Variants in NFATC3 observed in about 807,000 individuals in gnomAD.
NFATC3 encodes the protein nuclear factor of activated T cells 3, also known as nuclear factor of activated T-cells, cytoplasmic 3.
Under a neutral mutation model 98.6 loss-of-function variants are expected in NFATC3, and 46 were observed. That is an observed-to-expected ratio of 0.47 (90% CI 0.37 to 0.60). The LOEUF (loss-of-function observed/expected upper bound fraction) is 0.60, where lower values mean the gene tolerates loss of function less well. Among genes scored for constraint, NFATC3 ranks in the 20% least tolerant of loss-of-function variants. The pLI, the probability that NFATC3 is intolerant of heterozygous loss-of-function variation, is 0.00. For synonymous variants in NFATC3, 512 were observed against 472.2 expected (o/e 1.08, Z -1.09); for missense variants, 1,256 against 1,295.5 (o/e 0.97, Z 0.47).
intron 6 of NFATC3, among the ~76,000 whole-genome samples, chr16:68,177,061 G>A (rs1363110100): frequency 2.2e-4 from 19 of 86,130 alleles, no homozygotes; most frequent in Non-Finnish European, 4.1e-4. Flanking sequence ...TTTTAATTTT[G>A]GGATGGAGTT....
At chr16:68,205,250 C>T (rs774127378) in intron 9 of NFATC3, among the ~76,000 whole-genome samples, 37 of 152,022 alleles carry the variant, frequency 2.4e-4, no homozygotes, top group Non-Finnish European at 4.4e-4. Flanking sequence ...GTGTTTATTT[C>T]TTTGGTGGGG....
intron 9 of NFATC3, among the ~76,000 whole-genome samples, chr16:68,196,836 G>A (rs548273851): frequency 1.3e-5 from 2 of 152,234 alleles, no homozygotes; most frequent in South Asian, 4.1e-4. Flanking sequence ...TTCTCCACCA[G>A]CCTGACCAAC....
intron 3 of NFATC3, among the ~76,000 whole-genome samples, chr16:68,149,496 T>C (rs905527736): frequency 6.6e-6 from 1 of 152,196 alleles, no homozygotes; most frequent in Non-Finnish European, 1.5e-5. Context: ...AAAGGAAATA[T>C]AATTAAAATA....
In NFATC3 at chr16:68,183,089, A is replaced by G. The variant is rs553937056; in HGVS notation, c.1972-151A>G. On this transcript the variant is annotated intron_variant, in intron 7 of 9. Transcript: ENST00000346183. ...TCTTTCAAGACTGAAGTATCCCTTT[A>G]GTAAATCTCCAGATGATGTATATGA... 9.0e-5 allele frequency: 67 copies of G among 746,108 alleles called. 1 individual carries two copies. The South Asian group carries it at 1.4e-3, about 15-fold the overall frequency. The allele number at this position is 746,108 out of a possible 1,614,324, so 46.2% of individuals were successfully genotyped here.
intron 3 of NFATC3, among the ~76,000 whole-genome samples, chr16:68,137,788 G>A (rs2037513351): frequency 1.3e-5 from 2 of 151,580 alleles, no homozygotes; most frequent in South Asian, 4.2e-4. Flanking sequence ...TAATTTTTTT[G>A]TATTTTTTTA....
At chr16:68,212,878 C>A (rs1182202697) in intron 9 of NFATC3, among the ~76,000 whole-genome samples, 1 of 148,892 alleles carries the variant, frequency 6.7e-6, no homozygotes, top group Non-Finnish European at 1.5e-5. Context: ...CAAGCTCTAC[C>A]TCCCAGGTTC....
At chr16:68,190,657 T>C (rs890922716) in intron 8 of NFATC3, 111 bp from the exon 9 acceptor site, 35 of 1,098,018 alleles carry the variant, frequency 3.2e-5, no homozygotes, top group Non-Finnish European at 4.3e-5. Context: ...TTCCTTGGCA[T>C]TTGAGTTTGC....
chr16:68,104,653 G>GTTTTTTTTTTTTTTTTTTT lies in NFATC3; in HGVS notation c.104-17318_104-17317insTTTTTTTTTTTTTTTTTTT, dbSNP rs778016298. Among the ~76,000 whole-genome samples the GTTTTTTTTTTTTTTTTTTT allele has an allele frequency of 2.6e-4, 33 of 126,684 alleles. 2 individuals are homozygous for GTTTTTTTTTTTTTTTTTTT. The highest frequency in any genetic ancestry group is 9.1e-4 in the African/African-American group (29 of 31,846). 83.1% of individuals were successfully genotyped at this position (126,684 alleles called of 152,430 possible). On this transcript the variant is annotated intron_variant, in intron 1 of 9. Transcript: ENST00000346183. ...GTTAGCTGTGGGCTTTTCACAAATG[G>GTTTTTTTTTTTTTTTTTTT]TTTTTTTTTTTTTTTTGAAATGGAG... is the stretch of plus-strand genomic sequence containing the variant.
At chr16:68,211,103 C>T (rs998085361) in intron 9 of NFATC3, among the ~76,000 whole-genome samples, 6 of 151,994 alleles carry the variant, frequency 3.9e-5, no homozygotes, top group African/African-American at 1.5e-4. Flanking sequence ...GGCTTTGTGT[C>T]AGAGTAAATT....
intron 9 of NFATC3, among the ~76,000 whole-genome samples, chr16:68,220,796 A>G (rs1055155209): frequency 1.0e-4 from 15 of 150,746 alleles, no homozygotes; most frequent in African/African-American, 3.2e-4. Flanking sequence ...GCGGGCGCCT[A>G]TAGTCCCAGC....
At chr16:68,204,939 T>C (rs952460249) in intron 9 of NFATC3, among the ~76,000 whole-genome samples, 3 of 151,318 alleles carry the variant, frequency 2.0e-5, no homozygotes, top group African/African-American at 7.3e-5. Context: ...TAGCTTTTGA[T>C]AGACTTAGAT....
At chr16:68,109,635 T>C (rs778729025) in intron 1 of NFATC3, among the ~76,000 whole-genome samples, 7 of 152,210 alleles carry the variant, frequency 4.6e-5, no homozygotes, top group Admixed American at 6.5e-5. Context: ...TTTGGAATAG[T>C]TTCGGAAGAA....
At chr16:68,095,339 C>A (rs2034959474) in intron 1 of NFATC3, among the ~76,000 whole-genome samples, 2 of 149,992 alleles carry the variant, frequency 1.3e-5, no homozygotes, top group African/African-American at 5.0e-5. Context: ...GCACCACATG[C>A]CCAGCTAATT....
chr16:68,100,761 A>G (rs1394929512), intron 1 of NFATC3, among the ~76,000 whole-genome samples: 2 of 151,248 alleles, frequency 1.3e-5, no homozygotes, highest in Non-Finnish European at 2.9e-5. Context: ...TATTCTTCTC[A>G]TGACTAATAC....
intron 1 of NFATC3, among the ~76,000 whole-genome samples, chr16:68,088,486 A>G (rs1459465483): frequency 6.8e-6 from 1 of 146,906 alleles, no homozygotes; most frequent in East Asian, 1.9e-4. Flanking sequence ...TGTAGTGTAT[A>G]TAATATATAT....
intron 8 of NFATC3, among the ~76,000 whole-genome samples, chr16:68,186,229 AAGAC>A (rs1028218013): frequency 3.3e-5 from 5 of 152,066 alleles, no homozygotes; most frequent in South Asian, 4.1e-4. Context: ...AAAAAAAAAA[AAGAC>A]AGGTGGAAAG....
intron 9 of NFATC3, among the ~76,000 whole-genome samples, chr16:68,218,776 G>T (rs1054198101): frequency 6.6e-6 from 1 of 151,088 alleles, no homozygotes; most frequent in African/African-American, 2.4e-5. Context: ...GTTTCACCAT[G>T]TTAGCCAGGA....
intron 1 of NFATC3, among the ~76,000 whole-genome samples, chr16:68,120,886 T>C (rs182655784): frequency 6.6e-6 from 1 of 152,336 alleles, no homozygotes; most frequent in African/African-American, 2.4e-5. Flanking sequence ...AATGTTCCAA[T>C]ATCCTATACT....
intron 1 of NFATC3, among the ~76,000 whole-genome samples, chr16:68,087,007 T>G (rs2034415628): frequency 6.6e-6 from 1 of 152,134 alleles, no homozygotes; most frequent in African/African-American, 2.4e-5. Context: ...TGGGAAATAG[T>G]TGGAGGAGAC....
Sources: allele counts gnomAD v4.1 joint callset (sites outside exome capture counted in the v4.1 genomes callset), GRCh38; gene constraint gnomAD v4.1.1; transcripts MANE v1.5; gene names NCBI Gene and HGNC (gene_info 2026-07-23, HGNC 2026-07-21).